Variants in CCDC171 observed in about 807,000 individuals in gnomAD.
CCDC171 encodes coiled-coil domain containing 171.
A neutral mutation model predicts 168.2 loss-of-function variants in CCDC171; 177 were observed. That is an observed-to-expected ratio of 1.05 (90% CI 0.93 to 1.19). CCDC171 has a LOEUF of 1.19. Ranked by LOEUF, CCDC171 falls within the 50% of genes most tolerant of loss-of-function variation. CCDC171 has a pLI of 0.00. For missense variants in CCDC171, 1,991 were observed against 1,539.0 expected, an observed-to-expected ratio of 1.29 and a Z score of -4.91; for synonymous variants, 687 against 540.8, an observed-to-expected ratio of 1.27 and a Z score of -3.75.
chr9:15,938,987 CTT>C (rs962788243), intron 25 of CCDC171, among the ~76,000 whole-genome samples: 3 of 151,324 alleles, frequency 2.0e-5, no homozygotes, highest in Non-Finnish European at 4.4e-5. Flanking sequence ...TGACTTATGA[CTT>C]AATTTTTCAC....
intron 23 of CCDC171, among the ~76,000 whole-genome samples, chr9:15,862,269 C>T (rs1342273147): frequency 1.6e-4 from 24 of 151,364 alleles, no homozygotes; most frequent in Admixed American, 1.6e-3. Context: ...TTATTTTCTT[C>T]CTCCGACTGG....
chr9:15,649,753 G>A (rs1261631647), intron 7 of CCDC171, among the ~76,000 whole-genome samples: 1 of 152,162 alleles, frequency 6.6e-6, no homozygotes, highest in Non-Finnish European at 1.5e-5. Flanking sequence ...GAAACAACAG[G>A]TGCTAGAGAG....
At chr9:15,668,169 C>T (rs1252528753) in intron 9 of CCDC171, among the ~76,000 whole-genome samples, 2 of 152,132 alleles carry the variant, frequency 1.3e-5, no homozygotes, top group Non-Finnish European at 2.9e-5. Flanking sequence ...AGACATCTTT[C>T]AGGGAACTAG....
chr9:16,036,608 C>T (rs1833474633), intron 8 of CCDC171, among the ~76,000 whole-genome samples: 1 of 152,200 alleles, frequency 6.6e-6, no homozygotes, highest in Non-Finnish European at 1.5e-5. Flanking sequence ...CGCGCCACTG[C>T]ACTCCAGCCT....
intron 21 of CCDC171, among the ~76,000 whole-genome samples, chr9:15,794,101 G>C (rs2058426153): frequency 6.6e-6 from 1 of 151,960 alleles, no homozygotes; most frequent in South Asian, 2.1e-4. Flanking sequence ...TAAGAAGGAA[G>C]TTTGATATAG....
Position 15,744,398 on chromosome 9 carries a change from G to T in CCDC171, c.2175G>T (p.Met725Ile), listed in dbSNP as rs1449557777. ...KLLSQTQREQMSLLAACALMA... is the reference protein window; with the variant it reads ...KLLSQTQREQISLLAACALMA... ...TATCACAGACTCAAAGGGAACAGATGTCCTTGCTGGCAGCCTGTGCATTAA... is the reference window on the plus strand; with the variant it reads ...TATCACAGACTCAAAGGGAACAGATTTCCTTGCTGGCAGCCTGTGCATTAA... The change falls in exon 17 of 26, where the codon ATG becomes ATT. Residue 725 changes from methionine (M) to isoleucine (I), a missense_variant. Met to Ile is a conservative substitution (Grantham distance 10, BLOSUM62 1). Coordinates refer to ENST00000380701, the MANE Select transcript of CCDC171 (RefSeq NM_173550.4). The T allele has an allele frequency of 1.2e-6, 2 of 1,614,064 alleles. No homozygotes were observed. Among genetic ancestry groups the T allele is most frequent in the Non-Finnish European group, 8.5e-7 (1 of 1,180,032 alleles).
At chr9:15,788,900 C>T (rs1161766149) in intron 21 of CCDC171, among the ~76,000 whole-genome samples, 1 of 152,042 alleles carries the variant, frequency 6.6e-6, no homozygotes, top group African/African-American at 2.4e-5. Context: ...ATAATTTAGA[C>T]TGGATTCTCA....
chr9:15,653,170 G>A (rs529327589), intron 7 of CCDC171, among the ~76,000 whole-genome samples: 3 of 148,270 alleles, frequency 2.0e-5, no homozygotes, highest in African/African-American at 7.9e-5. Flanking sequence ...CTGGGGTCTC[G>A]TTCCTCTTGC....
At chr9:16,019,386 C>T (rs961538606) in intron 3 of CCDC171, among the ~76,000 whole-genome samples, 2 of 152,178 alleles carry the variant, frequency 1.3e-5, no homozygotes, top group Non-Finnish European at 2.9e-5. Flanking sequence ...GATGAGGGGC[C>T]ATCTCAAGTA....
intron 7 of CCDC171, among the ~76,000 whole-genome samples, chr9:15,634,862 A>G (rs995320538): frequency 2.0e-5 from 3 of 152,154 alleles, no homozygotes; most frequent in Admixed American, 6.5e-5. Flanking sequence ...AGATTTGCCT[A>G]TTCTAGACAT....
At chr9:16,036,166 G>C (rs188103899) in exon 8 of CCDC171, 1 of 152,322 alleles carries the variant, frequency 6.6e-6, no homozygotes, top group East Asian at 1.9e-4. Context: ...CCTTGTCTTT[G>C]CCTATAGCTG....
At chr9:16,047,434 C>G (rs1472631602) in intron 1 of CCDC171, among the ~76,000 whole-genome samples, 1 of 152,162 alleles carries the variant, frequency 6.6e-6, no homozygotes, top group African/African-American at 2.4e-5. Flanking sequence ...TTCACTACCT[C>G]CTGCCACTAC....
intron 6 of CCDC171, among the ~76,000 whole-genome samples, chr9:15,605,154 C>T (rs555490201): frequency 2.0e-5 from 3 of 152,172 alleles, no homozygotes; most frequent in South Asian, 2.1e-4. Context: ...GCCTCAGTCT[C>T]CCAAAGTATT....
the CCDC171 span, among the ~76,000 whole-genome samples, chr9:16,092,040 G>T: frequency 6.6e-6 from 1 of 152,138 alleles, no homozygotes; most frequent in Non-Finnish European, 1.5e-5. Context: ...GGTCTAAGTG[G>T]TACATTTATC....
At chr9:15,657,268 T>C (rs2048009261) in intron 8 of CCDC171, 49 bp downstream of exon 8, 1 of 1,180,950 alleles carries the variant, frequency 8.5e-7, no homozygotes, top group African/African-American at 1.5e-5. Context: ...ATTTGTGTTA[T>C]AACAGCTGGG....
intron 6 of CCDC171, among the ~76,000 whole-genome samples, chr9:16,028,974 C>G (rs1833322565): frequency 6.6e-6 from 1 of 152,074 alleles, no homozygotes; most frequent in African/African-American, 2.4e-5. Flanking sequence ...GCCTTTTTTT[C>G]TCTAGGGGCT....
rs139505632 is a variant in CCDC171 at position 15,894,288 on chromosome 9, G to T, written c.3600+19625G>T. ...CTGGGGCTTGTTGGGGGCGAGTTGT[G>T]GGGGAAGAGCATCAGGAAGGATAGC... On this transcript the variant is annotated intron_variant, in intron 24 of 25. Transcript: ENST00000380701. Among the ~76,000 whole-genome samples the T allele has an allele frequency of 1.1e-4, 16 of 152,138 alleles. No homozygotes were observed. In the South Asian group the frequency reaches 2.3e-3, roughly 22 times the overall value.
At chr9:15,995,260 A>C (rs1832336268) in intron 3 of CCDC171, among the ~76,000 whole-genome samples, 1 of 152,236 alleles carries the variant, frequency 6.6e-6, no homozygotes, top group South Asian at 2.1e-4. Flanking sequence ...TCAGCTGGCC[A>C]AGAACAGAAC....
chr9:15,701,703 A>G (rs1475472229), intron 11 of CCDC171, among the ~76,000 whole-genome samples: 1 of 151,738 alleles, frequency 6.6e-6, no homozygotes, highest in African/African-American at 2.4e-5. Context: ...AATTGAGGTC[A>G]ATTGTCTCAG....
Sources: allele counts gnomAD v4.1 joint callset (sites outside exome capture counted in the v4.1 genomes callset), GRCh38; gene constraint gnomAD v4.1.1; transcripts MANE v1.5; gene names NCBI Gene and HGNC (gene_info 2026-07-23, HGNC 2026-07-21).